Variants in NHS observed in about 807,000 individuals in gnomAD.
NHS encodes actin remodeling regulator NHS.
In NHS, 5 loss-of-function variants were observed where a neutral mutation model predicts 72.5. The ratio of observed to expected loss-of-function variants is 0.07; its 90% CI spans 0.04 to 0.14. The LOEUF (loss-of-function observed/expected upper bound fraction) is 0.14, where lower values mean the gene tolerates loss of function less well. Ranked by LOEUF, NHS falls within the 10% of genes least tolerant of loss-of-function variation. The probability of loss-of-function intolerance (pLI) is 1.00; values close to 1 mark genes in which losing one functional copy is unlikely to be tolerated. For synonymous variants in NHS, 464 were observed against 547.7 expected (o/e 0.85, Z 2.13); for missense variants, 1,072 against 1,355.7 (o/e 0.79, Z 3.29).
chrX:17,535,186 C>T (rs1291017081), intron 1 of NHS, among the ~76,000 whole-genome samples: 1 of 112,006 alleles, frequency 8.9e-6, no homozygotes, highest in Non-Finnish European at 1.9e-5. Context: ...CATATCCCAC[C>T]ATTTCCTCTG....
chrX:17,584,461 C>A (rs186667768), intron 1 of NHS, among the ~76,000 whole-genome samples: 1 of 112,043 alleles, frequency 8.9e-6, no homozygotes, highest in East Asian at 2.8e-4. Flanking sequence ...ATCAGTGTCT[C>A]GTGGCAGCTG....
At chrX:17,686,426 C>A (rs1446387486) in intron 1 of NHS, among the ~76,000 whole-genome samples, 1 of 111,945 alleles carries the variant, frequency 8.9e-6, no homozygotes, top group Non-Finnish European at 1.9e-5. Flanking sequence ...GTCTTCTGGT[C>A]TACCTCTTAG....
intron 1 of NHS, among the ~76,000 whole-genome samples, chrX:17,541,750 A>T (rs867756924): frequency 2.3e-5 from 2 of 87,679 alleles, no homozygotes; most frequent in Admixed American, 1.2e-4. Flanking sequence ...AAAGAGCCCA[A>T]GGTATCTGAG....
In NHS at chrX:17,726,034, C is replaced by T; in HGVS notation, c.1928C>T (p.Ser643Leu). Reference protein sequence around the residue: ...NWSGSSSTCPSQTSETIPPAA... With the variant: ...NWSGSSSTCPLQTSETIPPAA... ...AGTGGGAGCAGCTCCACGTGCCCCT[C>T]GCAGACCTCAGAAACCATCCCTCCT... Residue 643 changes from serine (S) to leucine (L), a missense_variant, in exon 7 of 9, where the codon TCG (serine) becomes TTG (leucine). Transcript: ENST00000676302. 3 of 1,211,685 alleles carry T rather than the reference C, an allele frequency of 2.5e-6. No homozygotes were observed. The highest frequency in any genetic ancestry group is 3.4e-6 in the Non-Finnish European group (3 of 895,454).
intron 1 of NHS, among the ~76,000 whole-genome samples, chrX:17,444,837 A>G (rs1200634388): frequency 1.8e-5 from 2 of 110,770 alleles, no homozygotes; most frequent in Non-Finnish European, 3.8e-5. Context: ...GTGTTGGGAA[A>G]TGGTGCTGAG....
At chrX:17,608,179 C>T (rs774202473) in intron 1 of NHS, among the ~76,000 whole-genome samples, 9 of 111,029 alleles carry the variant, frequency 8.1e-5, no homozygotes, top group South Asian at 7.7e-4. Flanking sequence ...CCTCCCAAAG[C>T]GTTTGGATTA....
intron 1 of NHS, among the ~76,000 whole-genome samples, chrX:17,551,469 G>A (rs1311454684): frequency 8.9e-6 from 1 of 112,014 alleles, no homozygotes; most frequent in African/African-American, 3.3e-5. Context: ...CAGTCTTGAT[G>A]TTGATGGCTG....
intron 1 of NHS, among the ~76,000 whole-genome samples, chrX:17,621,548 C>T (rs1470904963): frequency 9.0e-6 from 1 of 111,718 alleles, no homozygotes; most frequent in African/African-American, 3.3e-5. Context: ...TTTATTTTTG[C>T]TTCCTTGTCC....
At chrX:17,676,497 T>C (rs1029749450) in intron 1 of NHS, among the ~76,000 whole-genome samples, 2 of 112,999 alleles carry the variant, frequency 1.8e-5, no homozygotes, top group Non-Finnish European at 3.7e-5. Flanking sequence ...GAAACAGATT[T>C]GTGTCATTCA....
intron 1 of NHS, among the ~76,000 whole-genome samples, chrX:17,558,952 T>C (rs2146965533): frequency 8.9e-6 from 1 of 112,936 alleles, no homozygotes; most frequent in African/African-American, 3.2e-5. Flanking sequence ...ACACATTCAT[T>C]CAACAAATAG....
intron 1 of NHS, among the ~76,000 whole-genome samples, chrX:17,496,388 T>C (rs2065012497): frequency 9.0e-6 from 1 of 111,516 alleles, no homozygotes; most frequent in Non-Finnish European, 1.9e-5. Flanking sequence ...CAAACAGGCT[T>C]GACAGCAATC....
At chrX:17,397,542 G>A (rs1378559236) in intron 1 of NHS, among the ~76,000 whole-genome samples, 5 of 110,939 alleles carry the variant, frequency 4.5e-5, no homozygotes, top group East Asian at 2.8e-4. Context: ...GGAGATAACC[G>A]GGGTTGCTTT....
chrX:17,724,447 T>C lies in NHS; in HGVS notation c.1240+17T>C, dbSNP rs764638411. 11 of 1,210,404 alleles carry C rather than the reference T, an allele frequency of 9.1e-6. No homozygotes were observed. The East Asian group carries it at 3.3e-4, about 36-fold the overall frequency. On this transcript the variant is annotated intron_variant, in intron 6 of 8. Transcript: ENST00000676302. The stretch of plus-strand genomic sequence containing the variant: ...AAGAAATAGGTGTGATATCAAAAAA[T>C]GTTAATGGTTAACATTCCTCCGCCT...
intron 1 of NHS, among the ~76,000 whole-genome samples, chrX:17,574,938 A>T (rs2065501922): frequency 8.9e-6 from 1 of 111,754 alleles, no homozygotes; most frequent in Non-Finnish European, 1.9e-5. Context: ...AGTTCCTAGG[A>T]CCTAGACATG....
chrX:17,732,445 C>A lies in NHS; in HGVS notation c.4937C>A (p.Ser1646Tyr). 2 of 1,212,426 alleles carry A rather than the reference C, an allele frequency of 1.6e-6. No homozygotes were observed. Among genetic ancestry groups the A allele is most frequent in the East Asian group, 5.9e-5 (2 of 33,836 alleles). The change falls in exon 9 of 9, where the codon TCC (serine) becomes TAC (tyrosine). Residue 1646 changes from serine to tyrosine, a missense_variant. Physicochemically the swap from Ser to Tyr is moderately radical, Grantham distance 144. Coordinates refer to ENST00000676302, the MANE Select transcript of NHS (RefSeq NM_001291867.2). ...GACGGGAGCCCACATGACGACCGTT[C>A]CTCCCAGAGTTCAACATAGACTGCC... ...NSDGSPHDDR[S>Y]SQSST
At chrX:17,498,114 C>T (rs1187031295) in intron 1 of NHS, among the ~76,000 whole-genome samples, 1 of 112,244 alleles carries the variant, frequency 8.9e-6, no homozygotes, top group Non-Finnish European at 1.9e-5. Flanking sequence ...CCAGCATTGA[C>T]AGCCATTGCT....
intron 1 of NHS, among the ~76,000 whole-genome samples, chrX:17,604,126 T>G (rs947652968): frequency 1.2e-4 from 13 of 110,546 alleles, no homozygotes; most frequent in Admixed American, 4.9e-4. Context: ...TATATATTAA[T>G]AAATTACATC....
At chrX:17,716,942 T>C (rs2066367344) in intron 3 of NHS, among the ~76,000 whole-genome samples, 3 of 107,452 alleles carry the variant, frequency 2.8e-5, no homozygotes, top group Admixed American at 2.0e-4. Flanking sequence ...CCTCCTGAGA[T>C]CTTGAGCATT....
At position 17,719,840 on chromosome X, in the gene NHS, C is replaced by T. The variant is rs538693539; in HGVS notation, c.915+434C>T. On this transcript the variant is annotated intron_variant, in intron 4 of 8. Transcript: ENST00000676302. The stretch of plus-strand genomic sequence containing the variant: ...TCAGAGCTTGTAGTCAGGTCACTAT[C>T]CTGTCGACACTTTGCAGTCCATTGT... Among the ~76,000 whole-genome samples the T allele has an allele frequency of 1.2e-3, 130 of 111,734 alleles. No homozygotes were observed. In the Middle Eastern group the frequency reaches 0.014, roughly 12 times the overall value.
Sources: gnomAD v4.1 joint callset for allele counts (sites outside exome capture counted in the v4.1 genomes callset) on GRCh38, gnomAD v4.1.1 for gene constraint, MANE v1.5 for transcripts, NCBI Gene and HGNC (gene_info 2026-07-23, HGNC 2026-07-21) for gene names.